LRMDA: variants seen among roughly 807,000 people sequenced by gnomAD.
LRMDA encodes the protein leucine-rich melanocyte differentiation-associated protein.
LRMDA carries 18 observed loss-of-function variants against 29.8 expected under a neutral mutation model. That is an observed-to-expected ratio of 0.60 (90% CI 0.42 to 0.90). LRMDA has a LOEUF of 0.90. Ranked by LOEUF, LRMDA falls within the 40% of genes least tolerant of loss-of-function variation. The probability of loss-of-function intolerance (pLI) is 0.00; values close to 1 mark genes in which losing one functional copy is unlikely to be tolerated. For missense variants in LRMDA, 273 were observed against 273.9 expected, an observed-to-expected ratio of 1.00 and a Z score of 0.02; for synonymous variants, 125 against 109.4, an observed-to-expected ratio of 1.14 and a Z score of -0.89.
chr10:75,668,292 C>T (rs916040469), intron 2 of LRMDA, among the ~76,000 whole-genome samples: 1 of 152,102 alleles, frequency 6.6e-6, no homozygotes, highest in Admixed American at 6.6e-5. Context: ...TTTGTGATTC[C>T]CATAGTACAC....
In LRMDA at chr10:76,340,274, C is replaced by T. The variant is rs571325296; in HGVS notation, c.601+15789C>T. On this transcript the variant is annotated intron_variant, in intron 6 of 6. Transcript: ENST00000611255. Reference sequence around the variant, plus strand: ...CTCACGCCTGTAACCCCAACACTTTCGGAGGCCAAGCAGGGTGGATTGTTT... The same window carrying T: ...CTCACGCCTGTAACCCCAACACTTTTGGAGGCCAAGCAGGGTGGATTGTTT... Among the ~76,000 whole-genome samples, 16 of 151,946 alleles carry T rather than the reference C, an allele frequency of 1.1e-4. 1 individual carries two copies. In the Middle Eastern group the frequency reaches 0.01, roughly 97 times the overall value.
intron 2 of LRMDA, among the ~76,000 whole-genome samples, chr10:75,708,579 C>T (rs535941056): frequency 3.9e-5 from 6 of 152,058 alleles, no homozygotes; most frequent in Middle Eastern, 6.8e-3. Flanking sequence ...TTTAGGCTCT[C>T]GTCATCAAAG....
chr10:75,598,506 T>A (rs1392708334), intron 2 of LRMDA, among the ~76,000 whole-genome samples: 2 of 151,874 alleles, frequency 1.3e-5, no homozygotes, highest in African/African-American at 4.8e-5. Context: ...GAGAGAGCTG[T>A]CCATGACATC....
chr10:76,274,496 G>A lies in LRMDA; in HGVS notation c.517-49905G>A, dbSNP rs536516046. Reference sequence around the variant, plus strand: ...TTAAAAGTGGATATTGTATGCATCTGTGTGTGTGTCTTGGAAAAGTCAAGT... The same window carrying A: ...TTAAAAGTGGATATTGTATGCATCTATGTGTGTGTCTTGGAAAAGTCAAGT... On this transcript the variant is annotated intron_variant, in intron 5 of 6. Transcript: ENST00000611255. 2.0e-5 allele frequency among the ~76,000 whole-genome samples: 3 copies of A among 152,240 alleles called. No homozygotes were observed. In the East Asian group the frequency reaches 5.8e-4, roughly 29 times the overall value.
intron 6 of LRMDA, among the ~76,000 whole-genome samples, chr10:76,519,154 C>CAA (rs1407936085): frequency 4.0e-5 from 6 of 151,756 alleles, no homozygotes; most frequent in Non-Finnish European, 8.8e-5. Flanking sequence ...ACCAAAAATA[C>CAA]AAAAATTAGC....
At chr10:76,048,104 C>G (rs890549883) in intron 4 of LRMDA, among the ~76,000 whole-genome samples, 2 of 152,180 alleles carry the variant, frequency 1.3e-5, no homozygotes, top group African/African-American at 4.8e-5. Flanking sequence ...TCATGGACCT[C>G]TCTCTCCATT....
At chr10:76,005,802 C>T (rs999335796) in intron 2 of LRMDA, among the ~76,000 whole-genome samples, 7 of 151,676 alleles carry the variant, frequency 4.6e-5, no homozygotes, top group African/African-American at 7.3e-5. Context: ...TGGTGGCGGG[C>T]GCCTGTAGTC....
intron 5 of LRMDA, among the ~76,000 whole-genome samples, chr10:76,276,022 T>TATCC (rs1840127528): frequency 6.8e-6 from 1 of 147,444 alleles, no homozygotes; most frequent in African/African-American, 2.7e-5. Flanking sequence ...TCTATCTATC[T>TATCC]ATCTATCTAT....
chr10:76,334,677 G>A (rs1840945676), intron 6 of LRMDA, among the ~76,000 whole-genome samples: 1 of 152,152 alleles, frequency 6.6e-6, no homozygotes, highest in African/African-American at 2.4e-5. Flanking sequence ...TGGATTTGTT[G>A]TGATGTGTGT....
intron 5 of LRMDA, among the ~76,000 whole-genome samples, chr10:76,249,230 A>G (rs1354413853): frequency 6.6e-6 from 1 of 152,166 alleles, no homozygotes; most frequent in African/African-American, 2.4e-5. Context: ...TGCTTTCCTC[A>G]CCGACTTTCT....
intron 6 of LRMDA, among the ~76,000 whole-genome samples, chr10:76,445,452 G>A (rs1041571582): frequency 6.6e-6 from 1 of 152,188 alleles, no homozygotes; most frequent in Non-Finnish European, 1.5e-5. Context: ...TGACCCTGCA[G>A]ATGCAGGGCA....
At chr10:75,925,556 G>A (rs571677281) in intron 2 of LRMDA, among the ~76,000 whole-genome samples, 1 of 120,014 alleles carries the variant, frequency 8.3e-6, no homozygotes, top group African/African-American at 3.1e-5. Flanking sequence ...TAGTTTGGAG[G>A]GGGGGAGCTT....
chr10:75,809,006 C>T (rs1481771672), intron 2 of LRMDA, among the ~76,000 whole-genome samples: 1 of 152,180 alleles, frequency 6.6e-6, no homozygotes, highest in Admixed American at 6.5e-5. Flanking sequence ...CACATTTGTG[C>T]CTCTATGGAG....
At chr10:75,760,711 G>A (rs1843084877) in intron 2 of LRMDA, among the ~76,000 whole-genome samples, 1 of 152,150 alleles carries the variant, frequency 6.6e-6, no homozygotes, top group Admixed American at 6.5e-5. Flanking sequence ...AAGGATGAGG[G>A]CAGTGGATGA....
intron 6 of LRMDA, among the ~76,000 whole-genome samples, chr10:76,444,213 C>T (rs1842331359): frequency 6.6e-6 from 1 of 152,200 alleles, no homozygotes; most frequent in African/African-American, 2.4e-5. Context: ...TTCATCTAAT[C>T]TGAACCTCAT....
At chr10:76,403,822 A>G (rs768406940) in intron 6 of LRMDA, among the ~76,000 whole-genome samples, 5 of 152,148 alleles carry the variant, frequency 3.3e-5, no homozygotes, top group Non-Finnish European at 7.3e-5. Context: ...GGTTAATTAA[A>G]TCAAGTAAAG....
chr10:76,266,492 T>C (rs867348410), intron 5 of LRMDA, among the ~76,000 whole-genome samples: 5 of 152,204 alleles, frequency 3.3e-5, no homozygotes, highest in African/African-American at 9.7e-5. Context: ...TGCCGTAATA[T>C]TGTGCTCTTC....
At chr10:75,690,490 A>AT (rs1012038179) in intron 2 of LRMDA, among the ~76,000 whole-genome samples, 133 of 151,718 alleles carry the variant, frequency 8.8e-4, no homozygotes, top group African/African-American at 2.0e-3. Flanking sequence ...TTTTATTGTT[A>AT]TTTTTTTTAA....
At chr10:76,153,699 A>ATCC (rs1850488059) in intron 5 of LRMDA, among the ~76,000 whole-genome samples, 1 of 152,244 alleles carries the variant, frequency 6.6e-6, no homozygotes, top group Non-Finnish European at 1.5e-5. Context: ...TTTAAATCAC[A>ATCC]TACTAGCCTC....
Sources: gnomAD v4.1 joint callset for allele counts (sites outside exome capture counted in the v4.1 genomes callset) on GRCh38, gnomAD v4.1.1 for gene constraint, MANE v1.5 for transcripts, NCBI Gene and HGNC (gene_info 2026-07-23, HGNC 2026-07-21) for gene names.